Variants in PGM5 observed in about 807,000 individuals in gnomAD.
PGM5 encodes phosphoglucomutase-like protein 5.
A neutral mutation model predicts 59.2 loss-of-function variants in PGM5; 23 were observed. The ratio of observed to expected loss-of-function variants is 0.39; its 90% CI spans 0.28 to 0.55. The LOEUF is 0.55. PGM5 is among the 20% of genes least tolerant of loss of function. The pLI, the probability that PGM5 is intolerant of heterozygous loss-of-function variation, is 0.66. For missense variants in PGM5, 574 were observed against 748.3 expected (o/e 0.77, Z 2.72); for synonymous variants, 214 against 286.0 (o/e 0.75, Z 2.54).
chr9:68,418,531 C>T (rs1432478128), intron 6 of PGM5, among the ~76,000 whole-genome samples: 1 of 152,008 alleles, frequency 6.6e-6, no homozygotes. Flanking sequence ...ACTGAAAAGG[C>T]GACAGGAGAA....
intron 6 of PGM5, among the ~76,000 whole-genome samples, chr9:68,439,406 T>A (rs1823490860): frequency 6.8e-6 from 1 of 146,576 alleles, no homozygotes; most frequent in South Asian, 2.1e-4. Flanking sequence ...TCTGCTTATA[T>A]ATATAAATAT....
At chr9:68,483,545 A>C (rs1357439093) in intron 8 of PGM5, among the ~76,000 whole-genome samples, 1 of 152,218 alleles carries the variant, frequency 6.6e-6, no homozygotes, top group Non-Finnish European at 1.5e-5. Context: ...AACAAAGTTG[A>C]GTCAAAGAGG....
intron 10 of PGM5, among the ~76,000 whole-genome samples, chr9:68,510,146 ATTTTT>A (rs10580007): frequency 5.8e-5 from 5 of 86,842 alleles, no homozygotes; most frequent in African/African-American, 2.6e-4. Context: ...TGAAATCAGC[ATTTTT>A]TTTTTTTTTT....
chr9:68,444,877 G>A (rs1365067506), intron 6 of PGM5, among the ~76,000 whole-genome samples: 3 of 152,166 alleles, frequency 2.0e-5, no homozygotes, highest in Admixed American at 2.0e-4. Context: ...GGGTATTATG[G>A]CAGAAAGAGC....
chr9:68,416,449 T>G (rs1217210386), intron 6 of PGM5, among the ~76,000 whole-genome samples: 3 of 152,196 alleles, frequency 2.0e-5, no homozygotes, highest in Non-Finnish European at 4.4e-5. Context: ...TTAATTTTCT[T>G]CTCTTCCTTG....
chr9:68,492,376 C>T (rs55892043), intron 9 of PGM5, among the ~76,000 whole-genome samples: 1 of 152,214 alleles, frequency 6.6e-6, no homozygotes, highest in East Asian at 1.9e-4. Context: ...GCAGCCCTCT[C>T]ATCACCTAGC....
rs1200562475 is a variant in PGM5 at position 68,405,731 on chromosome 9, A to G, written c.1043+13258A>G. 2.0e-5 allele frequency: 3 copies of G among 151,486 alleles called. No individual in the cohort carries two copies. The East Asian group carries it at 5.9e-4, about 30-fold the overall frequency. The allele number at this position is 151,486 out of a possible 1,614,324, so 9.4% of individuals were successfully genotyped here. On this transcript the variant is annotated intron_variant, in intron 6 of 10. Transcript: ENST00000396396. ...CCTCCCCACCTTGCCTACCTCTCACATTTCCATTTTCCAAAAACCTTTTTT... is the reference window on the plus strand; with the variant it reads ...CCTCCCCACCTTGCCTACCTCTCACGTTTCCATTTTCCAAAAACCTTTTTT...
intron 10 of PGM5, among the ~76,000 whole-genome samples, chr9:68,526,210 A>G (rs540518357): frequency 4.9e-4 from 74 of 152,336 alleles, no homozygotes; most frequent in African/African-American, 1.7e-3. Flanking sequence ...TGGTTCCTGG[A>G]AAATGGCTGA....
intron 4 of PGM5, among the ~76,000 whole-genome samples, chr9:68,389,164 T>G (rs1473959350): frequency 1.3e-5 from 2 of 152,080 alleles, no homozygotes; most frequent in African/African-American, 4.8e-5. Flanking sequence ...AACTTTTGTT[T>G]GTATTTTCCA....
At chr9:68,379,902 A>C (rs1308796504) in intron 2 of PGM5, among the ~76,000 whole-genome samples, 2 of 152,040 alleles carry the variant, frequency 1.3e-5, no homozygotes, top group Non-Finnish European at 2.9e-5. Context: ...TCAAGAGGAC[A>C]TAACAATTGT....
rs550659648 is a variant in PGM5 at position 68,442,703 on chromosome 9, A to C, written c.1044-22390A>C. ...AAGGTATAATCTTTTCAACATATTT[A>C]AAGAGTTAAAACAGTTAACCCAATT... On this transcript the variant is annotated intron_variant, in intron 6 of 10. Transcript: ENST00000396396. 3.9e-5 allele frequency among the ~76,000 whole-genome samples: 6 copies of C among 152,360 alleles called. No homozygotes were observed. The East Asian group carries it at 1.2e-3, about 29-fold the overall frequency.
chr9:68,510,441 G>A (rs553575294), intron 10 of PGM5, among the ~76,000 whole-genome samples: 50 of 152,160 alleles, frequency 3.3e-4, no homozygotes, highest in African/African-American at 1.1e-3. Context: ...TTGAGCCACC[G>A]TGCCTGGCCG....
intron 6 of PGM5, among the ~76,000 whole-genome samples, chr9:68,441,816 A>C (rs1823532881): frequency 6.6e-6 from 1 of 152,128 alleles, no homozygotes; most frequent in African/African-American, 2.4e-5. Context: ...TATGGATTCT[A>C]TTCATAAATA....
At chr9:68,435,894 A>C (rs1483619989) in intron 6 of PGM5, among the ~76,000 whole-genome samples, 1 of 152,366 alleles carries the variant, frequency 6.6e-6, no homozygotes, top group Non-Finnish European at 1.5e-5. Context: ...TTACTGCCAC[A>C]GTACCTGGCA....
chr9:68,518,159 C>T (rs1035374076), intron 10 of PGM5, among the ~76,000 whole-genome samples: 3 of 152,212 alleles, frequency 2.0e-5, no homozygotes, highest in Admixed American at 6.5e-5. Context: ...AGGCAGAGAT[C>T]CTGGCTTAAC....
chr9:68,517,062 T>A (rs867616167), intron 10 of PGM5, among the ~76,000 whole-genome samples: 29 of 151,038 alleles, frequency 1.9e-4, no homozygotes, highest in African/African-American at 5.6e-4. Context: ...TTTTTTTTTT[T>A]AAATAGAGAC....
At chr9:68,471,913 C>T (rs1359049256) in intron 7 of PGM5, among the ~76,000 whole-genome samples, 1 of 147,540 alleles carries the variant, frequency 6.8e-6, no homozygotes, top group Non-Finnish European at 1.5e-5. Flanking sequence ...GGTGAGACTC[C>T]ATCTCAAAAA....
chr9:68,483,743 T>G (rs782303825), intron 8 of PGM5, 122 bp from the exon 9 acceptor site: 2 of 776,456 alleles, frequency 2.6e-6, no homozygotes, highest in Non-Finnish European at 4.3e-6. Context: ...GGGAGATGAG[T>G]TGAAGGTGCA....
At chr9:68,467,806 T>C (rs1196891747) in intron 7 of PGM5, among the ~76,000 whole-genome samples, 3 of 152,094 alleles carry the variant, frequency 2.0e-5, no homozygotes, top group African/African-American at 7.3e-5. Flanking sequence ...TTAATGTTTA[T>C]ATGAAGAGAA....
Sources: allele counts gnomAD v4.1 joint callset (sites outside exome capture counted in the v4.1 genomes callset), GRCh38; gene constraint gnomAD v4.1.1; transcripts MANE v1.5; gene names NCBI Gene and HGNC (gene_info 2026-07-23, HGNC 2026-07-21).